TOR1AIP2: variants seen among roughly 807,000 people sequenced by gnomAD.
TOR1AIP2 encodes torsin 1A interacting protein 2.
TOR1AIP2 carries 20 observed loss-of-function variants against 32.6 expected under a neutral mutation model. The ratio of observed to expected loss-of-function variants is 0.61; its 90% CI spans 0.43 to 0.89. The LOEUF (loss-of-function observed/expected upper bound fraction) is 0.89, where lower values mean the gene tolerates loss of function less well. TOR1AIP2 is among the 40% of genes least tolerant of loss of function. TOR1AIP2 has a pLI of 0.00. For missense variants in TOR1AIP2, 456 were observed against 553.8 expected, an observed-to-expected ratio of 0.82 and a Z score of 1.77; for synonymous variants, 214 against 210.8, an observed-to-expected ratio of 1.02 and a Z score of -0.13.
Position 179,852,586 on chromosome 1 carries a change from T to C in TOR1AIP2, c.34+46A>G, listed in dbSNP as rs201637894. On this transcript the variant is annotated intron_variant, in intron 4 of 6. Transcript: ENST00000609928. ...GAGATTTTCTCTCTCTGCACACCCC[T>C]GGTTTCCTACAGCAGCAACCTCAGT... 85 of 1,606,132 alleles carry C rather than the reference T, an allele frequency of 5.3e-5. No homozygotes were observed. In the African/African-American group the frequency reaches 9.7e-4, roughly 18 times the overall value.
chr1:179,869,826 C>G (rs1696942509), intron 2 of TOR1AIP2, among the ~76,000 whole-genome samples: 1 of 152,208 alleles, frequency 6.6e-6, no homozygotes, highest in South Asian at 2.1e-4. Context: ...AAGCAATATA[C>G]AACTCAGAAA....
In TOR1AIP2 at chr1:179,859,319, G is replaced by A. The variant is rs547188884; in HGVS notation, c.-147+6117C>T. On this transcript the variant is annotated intron_variant, in intron 3 of 6. Transcript: ENST00000609928. ...TTAATATTCCTACTATTTTAGAGAT[G>A]AGGAAACTGAGATACAGAAAAGTTA... The A allele has an allele frequency of 2.5e-4, 214 of 854,448 alleles. 2 individuals are homozygous for A. The African/African-American group carries it at 3.8e-3, about 15-fold the overall frequency. 52.9% of individuals were successfully genotyped at this position (854,448 alleles called of 1,614,324 possible). A position where few individuals can be genotyped will look rare whatever the true frequency, so the allele number is the denominator to read the frequency against.
intron 2 of TOR1AIP2, among the ~76,000 whole-genome samples, chr1:179,873,280 G>A (rs754382279): frequency 1.1e-4 from 17 of 152,140 alleles, no homozygotes; most frequent in Non-Finnish European, 2.1e-4. Context: ...TCTTGCCTTG[G>A]CTTCCCAAAA....
Position 179,859,822 on chromosome 1 carries a change from A to G in TOR1AIP2, c.-147+5614T>C, listed in dbSNP as rs889111081. On this transcript the variant is annotated intron_variant, in intron 3 of 6. Coordinates refer to ENST00000609928, the MANE Select transcript of TOR1AIP2 (RefSeq NM_001199260.2). ...CCTGTCCTTCATCAGGAGAGATTTA[A>G]GAAGTTTTTTGTTTTTGTTTTTAGA... The G allele has an allele frequency of 3.0e-6, 3 of 984,072 alleles. No individual in the cohort carries two copies. The African/African-American group carries it at 5.2e-5, about 17-fold the overall frequency. The allele number at this position is 984,072 out of a possible 1,614,324, so 61.0% of individuals were successfully genotyped here. A position where few individuals can be genotyped will look rare whatever the true frequency, so the allele number is the denominator to read the frequency against.
intron 3 of TOR1AIP2, among the ~76,000 whole-genome samples, chr1:179,856,577 G>C (rs987118318): frequency 1.3e-5 from 2 of 152,140 alleles, no homozygotes; most frequent in African/African-American, 4.8e-5. Flanking sequence ...ACATGGCAGG[G>C]TATCTGAGAG....
chr1:179,864,503 G>C, intron 3 of TOR1AIP2: 1 of 1,129,178 alleles, frequency 8.9e-7, no homozygotes, highest in Non-Finnish European at 1.1e-6. Context: ...ATTTTTTTAG[G>C]AGTGGTAAGT....
At position 179,853,814 on chromosome 1, in the gene TOR1AIP2, G is replaced by A. The variant is rs888420467; in HGVS notation, c.-146-1003C>T. Among the ~76,000 whole-genome samples, 37 of 152,292 alleles carry A rather than the reference G, an allele frequency of 2.4e-4. 1 individual carries two copies. The highest frequency in any genetic ancestry group is 7.9e-4 in the African/African-American group (33 of 41,556). ...AAATAAATGAATGTATAAATAAAGA[G>A]TGATGCCATAGATAAATTGGAAGGG... On this transcript the variant is annotated intron_variant, in intron 3 of 6. Coordinates refer to ENST00000609928, the MANE Select transcript of TOR1AIP2 (RefSeq NM_001199260.2).
intron 3 of TOR1AIP2, chr1:179,859,298 T>A: frequency 4.9e-6 from 4 of 821,260 alleles, no homozygotes; most frequent in Non-Finnish European, 5.9e-6. Context: ...AGACTATTAA[T>A]ATTCCTACTA....
At chr1:179,863,677 CAAAAAAAAAAAA>C (rs904854823) in intron 3 of TOR1AIP2, 29 of 860,002 alleles carry the variant, frequency 3.4e-5, no homozygotes, top group Admixed American at 1.4e-4. Context: ...TTTTAAAAAG[CAAAAAAAAAAAA>C]AAAAAAAAAG....
chr1:179,861,346 T>C (rs1217539066), intron 3 of TOR1AIP2: 1 of 985,446 alleles, frequency 1.0e-6, no homozygotes, highest in Non-Finnish European at 1.2e-6. Context: ...TATGAAGACA[T>C]ACTAGAAAGA....
rs1571713247 is a variant in TOR1AIP2 at position 179,877,803 on chromosome 1, T to A, written c.-811A>T. ...CACCCAGCGGCCGCCGCGGCCCGAA[T>A]GTCGTCCAGGGTCCCCGCCCATATG... On this transcript the variant is annotated 5_prime_UTR_variant, in exon 1 of 7. Coordinates refer to ENST00000609928, the MANE Select transcript of TOR1AIP2 (RefSeq NM_001199260.2). 6.6e-6 allele frequency: 1 copy of A among 152,252 alleles called. No homozygotes were observed. The highest frequency in any genetic ancestry group is 2.4e-5 in the African/African-American group (1 of 41,446). The allele number at this position is 152,252 out of a possible 1,614,324, so 9.4% of individuals were successfully genotyped here.
intron 3 of TOR1AIP2, chr1:179,863,139 T>C (rs113407999): frequency 7.3e-6 from 4 of 548,474 alleles, no homozygotes; most frequent in African/African-American, 4.2e-5. Flanking sequence ...GGCAGGAGAA[T>C]TGCTTGAACC....
At chr1:179,854,698 C>T (rs1436703588) in intron 3 of TOR1AIP2, among the ~76,000 whole-genome samples, 1 of 152,046 alleles carries the variant, frequency 6.6e-6, no homozygotes, top group Non-Finnish European at 1.5e-5. Context: ...TGCTGAAACC[C>T]CATCTCTACT....
chr1:179,840,006 C>T lies in TOR1AIP2; in HGVS notation c.*6065G>A, dbSNP rs954092740. 1 of 152,170 alleles carries T rather than the reference C, an allele frequency of 6.6e-6. No individual in the cohort carries two copies. The highest frequency in any genetic ancestry group is 1.5e-5 in the Non-Finnish European group (1 of 68,040). 9.4% of individuals were successfully genotyped at this position (152,170 alleles called of 1,614,324 possible). ...ATTTATTCTTTATTCTGGTAATGGCCAACTAATCTGAATAAGGCACATCAT... is the reference window on the plus strand; with the variant it reads ...ATTTATTCTTTATTCTGGTAATGGCTAACTAATCTGAATAAGGCACATCAT... On this transcript the variant is annotated 3_prime_UTR_variant, in exon 7 of 7. Transcript: ENST00000609928.
At chr1:179,866,807 A>G (rs1696802886) in intron 2 of TOR1AIP2, among the ~76,000 whole-genome samples, 1 of 152,214 alleles carries the variant, frequency 6.6e-6, no homozygotes, top group Admixed American at 6.6e-5. Flanking sequence ...GAAAATGCAT[A>G]GTAAATAAGT....
At position 179,844,987 on chromosome 1, in the gene TOR1AIP2, A is replaced by G. The variant is rs540100563; in HGVS notation, c.*1084T>C. 6.6e-6 allele frequency: 1 copy of G among 152,372 alleles called. No individual in the cohort carries two copies. The highest frequency in any genetic ancestry group is 2.4e-5 in the African/African-American group (1 of 41,598). 9.4% of individuals were successfully genotyped at this position (152,372 alleles called of 1,614,324 possible). A position where few individuals can be genotyped will look rare whatever the true frequency, so the allele number is the denominator to read the frequency against. ...AGAGGGGACAGAAATGACGATTAAC[A>G]GAAATGAACAAAAGCATCAGAGACA... On this transcript the variant is annotated 3_prime_UTR_variant, in exon 7 of 7. Transcript: ENST00000609928.
At chr1:179,863,769 T>C (rs1400972582) in intron 3 of TOR1AIP2, 1 of 983,528 alleles carries the variant, frequency 1.0e-6, no homozygotes, top group African/African-American at 1.8e-5. Context: ...CTAAAAGCAC[T>C]AGATACCTAG....
chr1:179,873,957 C>T (rs1435808170), intron 2 of TOR1AIP2: 1 of 152,216 alleles, frequency 6.6e-6, no homozygotes, highest in Non-Finnish European at 1.5e-5. Flanking sequence ...TCAGGCTCAT[C>T]TTGTATTTTC....
intron 3 of TOR1AIP2, among the ~76,000 whole-genome samples, chr1:179,856,712 G>A (rs1200376502): frequency 6.6e-6 from 1 of 152,116 alleles, no homozygotes; most frequent in East Asian, 1.9e-4. Context: ...CAACTTCCAG[G>A]TTCAAGCGAT....
Sources: allele counts gnomAD v4.1 joint callset (sites outside exome capture counted in the v4.1 genomes callset), GRCh38; gene constraint gnomAD v4.1.1; transcripts MANE v1.5; gene names NCBI Gene and HGNC (gene_info 2026-07-23, HGNC 2026-07-21).